The following PPP1CB variants were observed in gnomAD, a reference collection of about 807,000 sequenced individuals.
PPP1CB encodes the protein protein phosphatase 1 catalytic subunit beta.
A neutral mutation model predicts 43.7 loss-of-function variants in PPP1CB; 2 were observed. The observed-to-expected ratio is 0.05, with a 90% CI of 0.02 to 0.14. The LOEUF (loss-of-function observed/expected upper bound fraction) is 0.14, where lower values mean the gene tolerates loss of function less well. PPP1CB is among the 10% of genes least tolerant of loss of function. The probability of loss-of-function intolerance (pLI) is 1.00; values close to 1 mark genes in which losing one functional copy is unlikely to be tolerated. For synonymous variants in PPP1CB, 136 were observed against 135.6 expected, an observed-to-expected ratio of 1.00 and a Z score of -0.02; for missense variants, 84 against 398.0, an observed-to-expected ratio of 0.21 and a Z score of 6.71.
intron 1 of PPP1CB, among the ~76,000 whole-genome samples, chr2:28,762,845 C>A (rs1049448159): frequency 6.6e-6 from 1 of 152,208 alleles, no homozygotes; most frequent in African/African-American, 2.4e-5. Flanking sequence ...GTTAATGTTA[C>A]AAGATCTCAT....
intron 6 of PPP1CB, among the ~76,000 whole-genome samples, chr2:28,791,819 G>C (rs1489236192): frequency 2.0e-5 from 3 of 152,050 alleles, no homozygotes; most frequent in Non-Finnish European, 4.4e-5. Context: ...TCAGGTTTCT[G>C]AACTACGCTA....
chr2:28,754,142 A>T (rs1666422092), intron 1 of PPP1CB, among the ~76,000 whole-genome samples: 1 of 152,174 alleles, frequency 6.6e-6, no homozygotes, highest in South Asian at 2.1e-4. Flanking sequence ...TTTTGTAGGC[A>T]TAAAACAGAT....
chr2:28,757,541 G>A lies in PPP1CB; in HGVS notation c.52+5365G>A, dbSNP rs557069373. ...AGGTGGTTGGAAAGAAGTGTCAGTT[G>A]TTGCCGACAACCTCCACTTCTGTAG... On this transcript the variant is annotated intron_variant, in intron 1 of 7. Transcript: ENST00000395366. Among the ~76,000 whole-genome samples the A allele has an allele frequency of 3.9e-5, 6 of 152,294 alleles. No individual in the cohort carries two copies. The East Asian group carries it at 1.2e-3, about 29-fold the overall frequency.
chr2:28,793,373 T>A (rs1015633770), intron 6 of PPP1CB, among the ~76,000 whole-genome samples: 3 of 148,040 alleles, frequency 2.0e-5, no homozygotes, highest in Non-Finnish European at 4.5e-5. Context: ...AAGCAAGAAG[T>A]AAGCTCTTCG....
At chr2:28,791,986 A>C (rs1667397325) in intron 6 of PPP1CB, among the ~76,000 whole-genome samples, 1 of 152,194 alleles carries the variant, frequency 6.6e-6, no homozygotes, top group African/African-American at 2.4e-5. Context: ...AACTAAAAAC[A>C]TGGAGTCCAT....
intron 5 of PPP1CB, among the ~76,000 whole-genome samples, chr2:28,784,309 A>C (rs760013870): frequency 1.2e-4 from 18 of 152,242 alleles, no homozygotes; most frequent in Non-Finnish European, 2.4e-4. Flanking sequence ...TAAATTAGAC[A>C]AAAGTTTTTT....
intron 1 of PPP1CB, among the ~76,000 whole-genome samples, chr2:28,772,566 C>T (rs577695809): frequency 2.0e-4 from 30 of 152,154 alleles, no homozygotes; most frequent in African/African-American, 7.2e-4. Flanking sequence ...GATAAATATG[C>T]CCATGGATAT....
At chr2:28,760,313 G>A (rs2148456889) in intron 1 of PPP1CB, among the ~76,000 whole-genome samples, 1 of 152,238 alleles carries the variant, frequency 6.6e-6, no homozygotes, top group African/African-American at 2.4e-5. Flanking sequence ...AGTAAAAAAT[G>A]TTAAGTAAGC....
intron 7 of PPP1CB, among the ~76,000 whole-genome samples, chr2:28,797,767 C>A (rs1314060079): frequency 1.3e-5 from 2 of 152,012 alleles, no homozygotes; most frequent in Non-Finnish European, 2.9e-5. Context: ...TTTGAAGAAC[C>A]AACTTTTGGT....
chr2:28,788,923 T>C, intron 6 of PPP1CB, 114 bp downstream of exon 6: 2 of 1,097,358 alleles, frequency 1.8e-6, no homozygotes, highest in Non-Finnish European at 2.5e-6. Flanking sequence ...AATGGCGCAA[T>C]CTCTGCTCAC....
intron 1 of PPP1CB, among the ~76,000 whole-genome samples, chr2:28,761,515 G>A (rs1162326287): frequency 6.6e-6 from 1 of 152,236 alleles, no homozygotes; most frequent in East Asian, 1.9e-4. Flanking sequence ...AATGTTAGCC[G>A]TCATTATTGC....
At chr2:28,784,233 C>A (rs866504957) in intron 5 of PPP1CB, among the ~76,000 whole-genome samples, 4 of 152,076 alleles carry the variant, frequency 2.6e-5, no homozygotes, top group African/African-American at 9.7e-5. Flanking sequence ...GCTGTTGAGT[C>A]CTTATACCTA....
intron 1 of PPP1CB, among the ~76,000 whole-genome samples, chr2:28,761,686 G>A (rs752067475): frequency 1.3e-5 from 2 of 152,204 alleles, no homozygotes; most frequent in Non-Finnish European, 2.9e-5. Flanking sequence ...ATTCTTGTAT[G>A]TAAGTACGTA....
chr2:28,757,816 A>G (rs932626397), intron 1 of PPP1CB, among the ~76,000 whole-genome samples: 5 of 152,126 alleles, frequency 3.3e-5, no homozygotes, highest in Non-Finnish European at 5.9e-5. Flanking sequence ...TTATTTTGCT[A>G]TCTGAATGCA....
intron 1 of PPP1CB, among the ~76,000 whole-genome samples, chr2:28,753,092 A>G (rs887425357): frequency 6.6e-6 from 1 of 152,224 alleles, no homozygotes; most frequent in African/African-American, 2.4e-5. Context: ...ATTGCAGGAT[A>G]TTATTCAAAG....
At chr2:28,760,499 A>T (rs1036490036) in intron 1 of PPP1CB, among the ~76,000 whole-genome samples, 28 of 152,260 alleles carry the variant, frequency 1.8e-4, no homozygotes, top group Non-Finnish European at 4.0e-4. Context: ...TAAGAGCAAT[A>T]GACTATACCA....
rs1667636412 is a variant in PPP1CB at position 28,802,309 on chromosome 2, A to G, written c.*3006A>G. 1 of 152,208 alleles carries G rather than the reference A, an allele frequency of 6.6e-6. No individual in the cohort carries two copies. Among genetic ancestry groups the G allele is most frequent in the East Asian group, 1.9e-4 (1 of 5,202 alleles). The allele number at this position is 152,208 out of a possible 1,614,324, so 9.4% of individuals were successfully genotyped here. A position where few individuals can be genotyped will look rare whatever the true frequency, so the allele number is the denominator to read the frequency against. ...GGCAACCATAACTTTTGAACCAAAA[A>G]AAATTGTTTTTACATCTTTATGCTG... is the stretch of plus-strand genomic sequence containing the variant. On this transcript the variant is annotated 3_prime_UTR_variant, in exon 8 of 8. Transcript: ENST00000395366.
At chr2:28,787,859 C>T (rs1369981343) in intron 5 of PPP1CB, among the ~76,000 whole-genome samples, 2 of 152,088 alleles carry the variant, frequency 1.3e-5, no homozygotes, top group Non-Finnish European at 2.9e-5. Context: ...GTCTGAGTCC[C>T]TCTTAAGATT....
At chr2:28,792,153 A>G (rs1014628812) in intron 6 of PPP1CB, among the ~76,000 whole-genome samples, 7 of 151,944 alleles carry the variant, frequency 4.6e-5, no homozygotes, top group Non-Finnish European at 4.4e-5. Context: ...CCAGCCTGAA[A>G]AACATGGAGA....
Sources: gnomAD v4.1 joint callset for allele counts (sites outside exome capture counted in the v4.1 genomes callset) on GRCh38, gnomAD v4.1.1 for gene constraint, MANE v1.5 for transcripts, NCBI Gene and HGNC (gene_info 2026-07-23, HGNC 2026-07-21) for gene names.